The following SLMAP variants were observed in gnomAD, a reference collection of about 807,000 sequenced individuals.
SLMAP encodes the protein sarcolemmal membrane-associated protein.
A neutral mutation model predicts 128.8 loss-of-function variants in SLMAP; 44 were observed. That is an observed-to-expected ratio of 0.34 (90% CI 0.27 to 0.44). The LOEUF (loss-of-function observed/expected upper bound fraction) is 0.44. Among genes scored for constraint, SLMAP ranks in the 20% least tolerant of loss-of-function variants. SLMAP has a pLI of 1.00. For synonymous variants in SLMAP, 327 were observed against 348.8 expected, an observed-to-expected ratio of 0.94 and a Z score of 0.70; for missense variants, 787 against 985.3, an observed-to-expected ratio of 0.80 and a Z score of 2.69.
At chr3:57,918,621 CT>C (rs2096858218) in intron 22 of SLMAP, 1 of 152,102 alleles carries the variant, frequency 6.6e-6, no homozygotes, top group Non-Finnish European at 1.5e-5. Context: ...ATGTTGGATA[CT>C]ATATACTATA....
At chr3:57,799,153 TTAAGGGATACAATAACTGATGC>T (rs886403402) in intron 2 of SLMAP, among the ~76,000 whole-genome samples, 1 of 152,184 alleles carries the variant, frequency 6.6e-6, no homozygotes, top group Admixed American at 6.5e-5. Context: ...TTTGCCACAG[TTAAGGGATACAATAACTGATGC>T]TAAGGGATAC....
intron 17 of SLMAP, chr3:57,898,386 C>A (rs2096289385): frequency 6.6e-6 from 1 of 152,134 alleles, no homozygotes; most frequent in Admixed American, 6.6e-5. Flanking sequence ...TGAACACACC[C>A]ATACAAAAGT....
chr3:57,897,088 T>A, intron 17 of SLMAP, 156 bp downstream of exon 17: 4 of 1,400,844 alleles, frequency 2.9e-6, no homozygotes, highest in Non-Finnish European at 3.7e-6. Context: ...AAAGTTTTGG[T>A]GTTTATACCC....
intron 2 of SLMAP, among the ~76,000 whole-genome samples, chr3:57,759,130 T>C (rs906888200): frequency 6.6e-6 from 1 of 152,224 alleles, no homozygotes; most frequent in Non-Finnish European, 1.5e-5. Context: ...GCATAATATC[T>C]ATACTTTACG....
intron 24 of SLMAP, 78 bp downstream of exon 24, chr3:57,926,012 C>G: frequency 1.0e-6 from 1 of 968,560 alleles, no homozygotes; most frequent in South Asian, 1.4e-5. Flanking sequence ...TAGTGCATGG[C>G]AAGAACACAC....
chr3:57,889,241 G>A (rs1254263149), intron 14 of SLMAP, among the ~76,000 whole-genome samples: 1 of 152,198 alleles, frequency 6.6e-6, no homozygotes, highest in Non-Finnish European at 1.5e-5. Context: ...AAGAGCCTAT[G>A]AGAAATGAAA....
Position 57,917,072 on chromosome 3 carries a change from A to G in SLMAP, c.2305A>G (p.Lys769Glu). 6.2e-7 allele frequency: 1 copy of G among 1,613,840 alleles called. No individual in the cohort carries two copies. Among genetic ancestry groups the G allele is most frequent in the Non-Finnish European group, 8.5e-7 (1 of 1,179,868 alleles). The change falls in exon 22 of 25, where the codon AAA becomes GAA. Residue 769 changes from lysine to glutamate, a missense_variant. Coordinates refer to ENST00000671191, the MANE Select transcript of SLMAP (RefSeq NM_001377540.1). ...AGAAAACCAAGCAAAGGATGTGCAG[A>G]AAGAGGTAAAGCGAAAAGACATTAT... ...KAENQAKDVQ[K>E]EYEKTQTVLS...
rs115876433 is a variant in SLMAP at position 57,857,990 on chromosome 3, C to T, written c.616-98C>T. ...TTACAGTGGATGCTGGTCAGTTTTA[C>T]GCTTTTATATCTTTTGTTGTCAGTA... On this transcript the variant is annotated intron_variant, in intron 7 of 24. Coordinates refer to ENST00000671191, the MANE Select transcript of SLMAP (RefSeq NM_001377540.1). 905 of 946,024 alleles carry T rather than the reference C, an allele frequency of 9.6e-4. 4 individuals carry two copies. In the African/African-American group the frequency reaches 0.012, roughly 12 times the overall value. The allele number at this position is 946,024 out of a possible 1,614,324, so 58.6% of individuals were successfully genotyped here.
chr3:57,921,726 A>G (rs527871503), intron 22 of SLMAP, among the ~76,000 whole-genome samples: 1 of 152,092 alleles, frequency 6.6e-6, no homozygotes, highest in South Asian at 2.1e-4. Context: ...GTTTTTTGAG[A>G]TGGAGTTTTG....
At chr3:57,790,775 T>A (rs2085292075) in intron 2 of SLMAP, among the ~76,000 whole-genome samples, 1 of 152,216 alleles carries the variant, frequency 6.6e-6, no homozygotes, top group African/African-American at 2.4e-5. Flanking sequence ...ACTAGGTAGC[T>A]AGAAATTAAG....
At chr3:57,814,501 G>A (rs564921329) in intron 2 of SLMAP, among the ~76,000 whole-genome samples, 2 of 152,196 alleles carry the variant, frequency 1.3e-5, no homozygotes, top group East Asian at 3.9e-4. Flanking sequence ...GGCCAGGAGT[G>A]CAGTAGGACC....
intron 17 of SLMAP, among the ~76,000 whole-genome samples, chr3:57,906,320 T>C (rs571456111): frequency 1.6e-5 from 2 of 125,844 alleles, no homozygotes; most frequent in African/African-American, 2.9e-5. Flanking sequence ...CTTTTTTTTT[T>C]TTTTTTTTTT....
At chr3:57,914,769 A>G (rs1040830038) in intron 21 of SLMAP, among the ~76,000 whole-genome samples, 4 of 151,636 alleles carry the variant, frequency 2.6e-5, no homozygotes, top group African/African-American at 9.7e-5. Flanking sequence ...TTTAGTAGAG[A>G]CGGGGTTTCT....
intron 17 of SLMAP, chr3:57,900,176 T>G (rs1240214072): frequency 6.6e-6 from 1 of 152,216 alleles, no homozygotes; most frequent in Non-Finnish European, 1.5e-5. Context: ...AACCATTATT[T>G]TCAAGTTTTT....
intron 2 of SLMAP, among the ~76,000 whole-genome samples, chr3:57,820,969 A>G (rs903441462): frequency 9.9e-5 from 15 of 152,218 alleles, no homozygotes; most frequent in African/African-American, 3.1e-4. Flanking sequence ...CCTGACAGGT[A>G]TATAGAGGCT....
chr3:57,846,851 G>A (rs1253477992), intron 4 of SLMAP, among the ~76,000 whole-genome samples: 2 of 152,104 alleles, frequency 1.3e-5, no homozygotes, highest in Admixed American at 6.6e-5. Flanking sequence ...GAGCCACCAT[G>A]CCTAGCCGAA....
intron 2 of SLMAP, among the ~76,000 whole-genome samples, chr3:57,762,710 G>GTTTTTT (rs752054975): frequency 1.7e-4 from 18 of 107,788 alleles, no homozygotes; most frequent in African/African-American, 2.6e-4. Flanking sequence ...TAGTAGAATG[G>GTTTTTT]TTTTTTTTTT....
At chr3:57,867,007 G>A (rs2095322495) in intron 13 of SLMAP, among the ~76,000 whole-genome samples, 1 of 151,888 alleles carries the variant, frequency 6.6e-6, no homozygotes, top group South Asian at 2.1e-4. Context: ...GTGAAACCCT[G>A]TCTCTACAAA....
At chr3:57,832,330 T>C (rs2093391321) in intron 3 of SLMAP, among the ~76,000 whole-genome samples, 2 of 152,172 alleles carry the variant, frequency 1.3e-5, no homozygotes, top group African/African-American at 4.8e-5. Context: ...GATGGAAAGG[T>C]AGTAGAGGTA....
Sources: allele counts gnomAD v4.1 joint callset (sites outside exome capture counted in the v4.1 genomes callset), GRCh38; gene constraint gnomAD v4.1.1; transcripts MANE v1.5; gene names NCBI Gene and HGNC (gene_info 2026-07-23, HGNC 2026-07-21).